The following MYOZ2 variants were observed in gnomAD, a reference collection of about 807,000 sequenced individuals.
The protein encoded by MYOZ2 is myozenin 2, also known as myozenin-2.
Under a neutral mutation model 25.4 loss-of-function variants are expected in MYOZ2, and 19 were observed. The observed-to-expected ratio is 0.75, with a 90% CI of 0.52 to 1.10. MYOZ2 has a LOEUF of 1.10. MYOZ2 is among the 50% of genes least tolerant of loss of function. The probability of loss-of-function intolerance (pLI) is 0.00; values close to 1 mark genes in which losing one functional copy is unlikely to be tolerated. For missense variants in MYOZ2, 270 were observed against 317.9 expected (o/e 0.85, Z 1.15); for synonymous variants, 92 against 106.9 (o/e 0.86, Z 0.86).
At chr4:119,185,916 G>A (rs1235375020) in intron 5 of MYOZ2, 50 bp from the exon 6 acceptor site, 1 of 1,460,164 alleles carries the variant, frequency 6.8e-7, no homozygotes, top group Non-Finnish European at 9.5e-7. Flanking sequence ...TTTCTATTTT[G>A]ACAAATTTGA....
At chr4:119,138,583 T>C (rs886996136) in intron 2 of MYOZ2, among the ~76,000 whole-genome samples, 8 of 152,196 alleles carry the variant, frequency 5.3e-5, no homozygotes, top group African/African-American at 1.9e-4. Context: ...AGATAAAACA[T>C]GCAACTGCTT....
intron 2 of MYOZ2, among the ~76,000 whole-genome samples, chr4:119,145,682 G>A (rs1741277475): frequency 6.6e-6 from 1 of 152,076 alleles, no homozygotes; most frequent in Non-Finnish European, 1.5e-5. Context: ...GCCTGTCTGT[G>A]TGTGTTGTCT....
At chr4:119,144,161 C>G (rs1435960506) in intron 2 of MYOZ2, among the ~76,000 whole-genome samples, 2 of 152,164 alleles carry the variant, frequency 1.3e-5, no homozygotes, top group Admixed American at 6.5e-5. Flanking sequence ...CTATTCTGCT[C>G]TCCATTTCTA....
intron 4 of MYOZ2, among the ~76,000 whole-genome samples, chr4:119,158,842 G>T (rs1266316432): frequency 6.6e-6 from 1 of 152,060 alleles, no homozygotes; most frequent in Non-Finnish European, 1.5e-5. Flanking sequence ...AGACGTTGAG[G>T]TTATGAATGT....
intron 2 of MYOZ2, among the ~76,000 whole-genome samples, chr4:119,145,153 C>G (rs183721228): frequency 3.9e-5 from 6 of 152,198 alleles, no homozygotes; most frequent in Middle Eastern, 6.8e-3. Context: ...TAGTGAATTA[C>G]ATTGATTGAT....
intron 3 of MYOZ2, 62 bp downstream of exon 3, chr4:119,151,103 A>T (rs1741441098): frequency 1.3e-6 from 2 of 1,488,212 alleles, no homozygotes; most frequent in East Asian, 2.3e-5. Flanking sequence ...ATTTGTATTT[A>T]TGACTAGTTT....
rs1741777736 is a variant in MYOZ2, at chr4:119,164,366, G to C, written c.532G>C (p.Glu178Gln). 6.2e-7 allele frequency: 1 copy of C among 1,614,082 alleles called. No homozygotes were observed. The highest frequency in any genetic ancestry group is 8.5e-7 in the Non-Finnish European group (1 of 1,179,958). ...PKLFKPEGKA[E>Q]LPDYRSFNRV... is the part of the protein sequence containing the mutation. ...ACTTTTCAAGCCTGAAGGAAAGGCA[G>C]AACTGCCTGATTACAGGAGCTTTAA... Residue 178 changes from glutamate to glutamine, a missense_variant, in exon 5 of 6, where the codon GAA becomes CAA. Glu to Gln is a conservative substitution (Grantham distance 29). Transcript: ENST00000307128.
At chr4:119,156,122 C>T (rs887052817) in intron 3 of MYOZ2, among the ~76,000 whole-genome samples, 3 of 151,232 alleles carry the variant, frequency 2.0e-5, no homozygotes, top group Non-Finnish European at 4.4e-5. Flanking sequence ...ACGGGAGCGG[C>T]GAGAAGAAAG....
At chr4:119,174,644 G>A (rs915277273) in intron 5 of MYOZ2, among the ~76,000 whole-genome samples, 13 of 151,988 alleles carry the variant, frequency 8.6e-5, no homozygotes, top group East Asian at 3.9e-4. Flanking sequence ...ACCAATCAGC[G>A]CCCTGTCAAA....
At chr4:119,177,768 A>T in intron 5 of MYOZ2, among the ~76,000 whole-genome samples, 1 of 151,514 alleles carries the variant, frequency 6.6e-6, no homozygotes, top group Non-Finnish European at 1.5e-5. Context: ...CCTCTCATCC[A>T]CTCTAGGGTT....
intron 3 of MYOZ2, among the ~76,000 whole-genome samples, chr4:119,155,857 C>T (rs926830371): frequency 2.0e-5 from 3 of 151,956 alleles, no homozygotes; most frequent in Non-Finnish European, 4.4e-5. Flanking sequence ...ATAACAGGAG[C>T]ATGAAGACTA....
In MYOZ2 at chr4:119,158,031, G is replaced by A. The variant is rs767478816; in HGVS notation, c.256G>A (p.Ala86Thr). The A allele has an allele frequency of 6.2e-7, 1 of 1,613,944 alleles. No individual in the cohort carries two copies. The highest frequency in any genetic ancestry group is 8.5e-7 in the Non-Finnish European group (1 of 1,179,926). Residue 86 changes from alanine to threonine, a missense_variant, in exon 4 of 6, where the codon GCT (alanine) becomes ACT (threonine). Transcript: ENST00000307128. ...QSRAQINHSI[A>T]MQNGKVDGSN... ...TTTTGATTAAATACAGCACAGTATT[G>A]CTATGCAGAATGGGAAAGTGGATGG...
chr4:119,149,736 A>G (rs1270040477), intron 2 of MYOZ2, among the ~76,000 whole-genome samples: 1 of 152,150 alleles, frequency 6.6e-6, no homozygotes, highest in African/African-American at 2.4e-5. Flanking sequence ...GCTTTACAGG[A>G]AAAAACACAT....
chr4:119,151,161 TA>T, intron 3 of MYOZ2, 120 bp downstream of exon 3: 6 of 1,049,908 alleles, frequency 5.7e-6, no homozygotes, highest in Non-Finnish European at 6.7e-6. Flanking sequence ...TCTGTTAGGC[TA>T]TTTTTTTTTT....
rs766614549 is a variant in MYOZ2 at position 119,166,278 on chromosome 4, G to A, written c.560+1884G>A. ...GTAAGATCCTTTCTAACCTTGAAGCGTATGTAGGCCAGGTGCGTATGTACA... is the reference window on the plus strand; with the variant it reads ...GTAAGATCCTTTCTAACCTTGAAGCATATGTAGGCCAGGTGCGTATGTACA... On this transcript the variant is annotated intron_variant, in intron 5 of 5. Transcript: ENST00000307128. Among the ~76,000 whole-genome samples the A allele has an allele frequency of 9.2e-5, 14 of 152,184 alleles. No homozygotes were observed. The East Asian group carries it at 1.9e-3, about 21-fold the overall frequency.
intron 3 of MYOZ2, among the ~76,000 whole-genome samples, chr4:119,154,925 G>T (rs1741539516): frequency 6.6e-6 from 1 of 150,412 alleles, no homozygotes; most frequent in Admixed American, 6.6e-5. Context: ...TTGTTATAAA[G>T]TAATAGCTGA....
intron 2 of MYOZ2, among the ~76,000 whole-genome samples, chr4:119,145,970 A>G (rs754352886): frequency 6.6e-6 from 1 of 152,056 alleles, no homozygotes; most frequent in African/African-American, 2.4e-5. Flanking sequence ...GAACTGGTCA[A>G]TTTTTTCTAA....
chr4:119,142,606 A>G lies in MYOZ2; in HGVS notation c.76+6005A>G, dbSNP rs565484435. 2.0e-5 allele frequency among the ~76,000 whole-genome samples: 3 copies of G among 152,326 alleles called. No homozygotes were observed. In the East Asian group the frequency reaches 5.8e-4, roughly 29 times the overall value. ...GCTCTGTTTTTCTTATGCCTTTTCC[A>G]TAGGCTATTTCTACCATTCCTGGGG... On this transcript the variant is annotated intron_variant, in intron 2 of 5. Coordinates refer to ENST00000307128, the MANE Select transcript of MYOZ2 (RefSeq NM_016599.5).
chr4:119,169,778 T>C (rs868785448), intron 5 of MYOZ2, among the ~76,000 whole-genome samples: 25 of 152,316 alleles, frequency 1.6e-4, no homozygotes, highest in Middle Eastern at 3.4e-3. Context: ...TAAAGGGCTA[T>C]ACCATTGGAA....
Sources: allele counts gnomAD v4.1 joint callset (sites outside exome capture counted in the v4.1 genomes callset), GRCh38; gene constraint gnomAD v4.1.1; transcripts MANE v1.5; gene names NCBI Gene and HGNC (gene_info 2026-07-23, HGNC 2026-07-21).